The following GPC5 variants were observed in gnomAD, a reference collection of about 807,000 sequenced individuals.
The protein encoded by GPC5 is glypican 5.
GPC5 carries 47 observed loss-of-function variants against 53.9 expected under a neutral mutation model. That is an observed-to-expected ratio of 0.87 (90% CI 0.69 to 1.11). The LOEUF is 1.11. Ranked by LOEUF, GPC5 falls within the 50% of genes most tolerant of loss-of-function variation. GPC5 has a pLI of 0.00. For synonymous variants in GPC5, 286 were observed against 263.3 expected (o/e 1.09, Z -0.84); for missense variants, 748 against 713.1 (o/e 1.05, Z -0.56).
intron 5 of GPC5, among the ~76,000 whole-genome samples, chr13:91,864,502 A>G (rs1418576201): frequency 6.6e-6 from 1 of 152,216 alleles, no homozygotes; most frequent in Non-Finnish European, 1.5e-5. Flanking sequence ...TATATATTGT[A>G]TAGAACTGGA....
chr13:92,658,706 C>T lies in GPC5; in HGVS notation c.1562-207576C>T, dbSNP rs145130143. On this transcript the variant is annotated intron_variant, in intron 7 of 7. Coordinates refer to ENST00000377067, the MANE Select transcript of GPC5 (RefSeq NM_004466.6). ...AGAGATAGGCATTTCAGGAAAATGA[C>T]ATAAAGCATAAGGAAATAGAGATGA... 3.5e-3 allele frequency among the ~76,000 whole-genome samples: 524 copies of T among 151,862 alleles called. 6 individuals are homozygous for T. The highest frequency in any genetic ancestry group is 0.012 in the African/African-American group (485 of 41,402).
At chr13:91,538,859 G>A (rs917350158) in intron 2 of GPC5, among the ~76,000 whole-genome samples, 2 of 150,970 alleles carry the variant, frequency 1.3e-5, no homozygotes, top group African/African-American at 2.4e-5. Context: ...AAAGTGCTGG[G>A]ATTACAGGTG....
chr13:92,031,294 A>G (rs938402337), intron 6 of GPC5, among the ~76,000 whole-genome samples: 4 of 152,078 alleles, frequency 2.6e-5, no homozygotes, highest in East Asian at 3.9e-4. Context: ...CCAAACGTCT[A>G]CTTCCAACTC....
intron 7 of GPC5, among the ~76,000 whole-genome samples, chr13:92,418,587 C>CAAAA (rs2139359032): frequency 6.6e-6 from 1 of 152,144 alleles, no homozygotes; most frequent in South Asian, 2.1e-4. Context: ...GGTAAAATTA[C>CAAAA]AATATATGTA....
intron 6 of GPC5, among the ~76,000 whole-genome samples, chr13:92,064,291 G>A (rs2041147456): frequency 6.6e-6 from 1 of 152,154 alleles, no homozygotes; most frequent in Admixed American, 6.5e-5. Context: ...TTTTTCAAAT[G>A]TAAGTGCATA....
chr13:92,683,315 G>T (rs114874667), intron 7 of GPC5, among the ~76,000 whole-genome samples: 1 of 152,072 alleles, frequency 6.6e-6, no homozygotes, highest in African/African-American at 2.4e-5. Flanking sequence ...TGGGAATGTG[G>T]GTTACATAGC....
chr13:91,944,323 C>T (rs1401307509), intron 6 of GPC5, among the ~76,000 whole-genome samples: 1 of 152,112 alleles, frequency 6.6e-6, no homozygotes, highest in Non-Finnish European at 1.5e-5. Context: ...GTCTCGATCT[C>T]CTGACCTCGC....
intron 6 of GPC5, among the ~76,000 whole-genome samples, chr13:92,142,273 A>G (rs1192508253): frequency 1.3e-5 from 2 of 152,156 alleles, no homozygotes; most frequent in African/African-American, 4.8e-5. Flanking sequence ...TTCAAAATCA[A>G]CTGATTAATG....
rs370385117 is a variant in GPC5, at chr13:92,644,260, A to C, written c.1562-222022A>C. Among the ~76,000 whole-genome samples the C allele has an allele frequency of 9.8e-5, 15 of 152,348 alleles. No individual in the cohort carries two copies. The East Asian group carries it at 2.7e-3, about 27-fold the overall frequency. ...ATTTACTTAGATAAGAGGTGAGCTC[A>C]AGGTAAATACCTGTACCTTTGCTGC... On this transcript the variant is annotated intron_variant, in intron 7 of 7. Coordinates refer to ENST00000377067, the MANE Select transcript of GPC5 (RefSeq NM_004466.6).
At chr13:92,722,017 T>C (rs958158583) in intron 7 of GPC5, among the ~76,000 whole-genome samples, 3 of 152,014 alleles carry the variant, frequency 2.0e-5, no homozygotes, top group Admixed American at 1.3e-4. Context: ...TCTTTTCTTT[T>C]CATTTTATTC....
At chr13:91,835,894 A>G (rs1294549708) in intron 5 of GPC5, among the ~76,000 whole-genome samples, 1 of 152,084 alleles carries the variant, frequency 6.6e-6, no homozygotes, top group African/African-American at 2.4e-5. Context: ...AATAAAAAAA[A>G]GAAAATTAGC....
chr13:92,756,329 T>A (rs2139332907), intron 7 of GPC5, among the ~76,000 whole-genome samples: 1 of 152,148 alleles, frequency 6.6e-6, no homozygotes, highest in Middle Eastern at 3.4e-3. Flanking sequence ...TGGGACATAT[T>A]TAAAAATAAT....
At chr13:92,392,410 AT>A (rs527365724) in intron 7 of GPC5, among the ~76,000 whole-genome samples, 19 of 152,316 alleles carry the variant, frequency 1.2e-4, no homozygotes, top group African/African-American at 4.3e-4. Context: ...CTCAAGATGG[AT>A]TAAAGACTTA....
intron 7 of GPC5, among the ~76,000 whole-genome samples, chr13:92,842,655 GT>G (rs11331842): frequency 0.14 from 20,333 of 140,590 alleles, 2,877 homozygotes; most frequent in African/African-American, 0.37. Flanking sequence ...ATACATAATT[GT>G]TTTTTTTTTT....
chr13:92,782,892 T>C (rs950259985), intron 7 of GPC5, among the ~76,000 whole-genome samples: 4 of 152,150 alleles, frequency 2.6e-5, no homozygotes, highest in African/African-American at 9.6e-5. Flanking sequence ...AGACCCCATA[T>C]AGCTATGGTT....
At chr13:91,859,622 T>G (rs1449708428) in intron 5 of GPC5, among the ~76,000 whole-genome samples, 1 of 152,002 alleles carries the variant, frequency 6.6e-6, no homozygotes, top group African/African-American at 2.4e-5. Context: ...TCTGTAATGA[T>G]ATTTCTTCTT....
At chr13:91,584,684 T>C (rs934912438) in intron 2 of GPC5, among the ~76,000 whole-genome samples, 2 of 152,244 alleles carry the variant, frequency 1.3e-5, no homozygotes, top group African/African-American at 4.8e-5. Context: ...GTTCAAGTGA[T>C]TCTCCTGTCT....
intron 2 of GPC5, among the ~76,000 whole-genome samples, chr13:91,535,117 C>T (rs1886529806): frequency 6.6e-6 from 1 of 152,152 alleles, no homozygotes; most frequent in African/African-American, 2.4e-5. Flanking sequence ...ACGTGTATCA[C>T]ATTCTCTCAT....
chr13:91,604,545 T>G (rs1201816342), intron 2 of GPC5, among the ~76,000 whole-genome samples: 1 of 140,750 alleles, frequency 7.1e-6, no homozygotes, highest in Admixed American at 7.2e-5. Flanking sequence ...TCCACAATGG[T>G]TGAACTAGTT....
Sources: gnomAD v4.1 joint callset for allele counts (sites outside exome capture counted in the v4.1 genomes callset) on GRCh38, gnomAD v4.1.1 for gene constraint, MANE v1.5 for transcripts, NCBI Gene and HGNC (gene_info 2026-07-23, HGNC 2026-07-21) for gene names.